The following RHOU variants were observed in gnomAD, a reference collection of about 807,000 sequenced individuals.
The protein encoded by RHOU is ras homolog family member U.
RHOU carries 8 observed loss-of-function variants against 12.6 expected under a neutral mutation model. That is an observed-to-expected ratio of 0.64 (90% CI 0.37 to 1.15). The LOEUF (loss-of-function observed/expected upper bound fraction) is 1.15. Ranked by LOEUF, RHOU falls within the 50% of genes most tolerant of loss-of-function variation. RHOU has a pLI of 0.01. For missense variants in RHOU, 258 were observed against 347.0 expected, an observed-to-expected ratio of 0.74 and a Z score of 2.04; for synonymous variants, 161 against 147.4, an observed-to-expected ratio of 1.09 and a Z score of -0.67.
At chr1:228,672,744 CG>C in the RHOU span, among the ~76,000 whole-genome samples, 1 of 152,076 alleles carries the variant, frequency 6.6e-6, no homozygotes, top group East Asian at 1.9e-4. Flanking sequence ...AGTTTTTCTC[CG>C]GGGGTATGAT....
the RHOU span, among the ~76,000 whole-genome samples, chr1:228,666,724 G>C: frequency 6.6e-6 from 1 of 152,078 alleles, no homozygotes; most frequent in Non-Finnish European, 1.5e-5. Flanking sequence ...GGCTACTTGG[G>C]TACTAAGTAG....
At chr1:228,672,938 T>C in the RHOU span, among the ~76,000 whole-genome samples, 1 of 152,216 alleles carries the variant, frequency 6.6e-6, no homozygotes, top group Non-Finnish European at 1.5e-5. Flanking sequence ...GATTTCCACC[T>C]GTAATTGGGA....
At chr1:228,654,114 A>ATT in the RHOU span, among the ~76,000 whole-genome samples, 24,965 of 146,536 alleles carry the variant, frequency 0.17, 2,195 homozygotes, top group South Asian at 0.22. Flanking sequence ...AAACTAGCTG[A>ATT]TTTTTTTTTT....
intron 2 of RHOU, among the ~76,000 whole-genome samples, chr1:228,739,901 C>T (rs1662687867): frequency 6.6e-6 from 1 of 152,196 alleles, no homozygotes; most frequent in African/African-American, 2.4e-5. Flanking sequence ...AGAGAAGGAC[C>T]AGGTGGTGGG....
chr1:228,654,205 T>C, the RHOU span, among the ~76,000 whole-genome samples: 1 of 152,082 alleles, frequency 6.6e-6, no homozygotes, highest in African/African-American at 2.4e-5. Context: ...ACTCCTGGGT[T>C]CAAGTGATTC....
rs544349048 is a variant in RHOU, at chr1:228,743,177, C to T, written c.322-108C>T. ...TGCTGGCTCTTCCTTCTAGAACCAG[C>T]GGGTCTTCTATCACCTGCCAGACCC... On this transcript the variant is annotated intron_variant, in intron 2 of 2. Coordinates refer to ENST00000366691, the MANE Select transcript of RHOU (RefSeq NM_021205.6). The surrounding 1 kb of genome is among the most constrained non-coding windows in gnomAD (Gnocchi z 5.1). 2.0e-5 allele frequency: 20 copies of T among 980,204 alleles called. No homozygotes were observed. Among genetic ancestry groups the T allele is most frequent in the Middle Eastern group, 3.1e-4 (1 of 3,232 alleles). 60.7% of individuals were successfully genotyped at this position (980,204 alleles called of 1,614,324 possible).
the RHOU span, chr1:228,650,869 G>C: frequency 3.5e-5 from 14 of 396,782 alleles, no homozygotes; most frequent in African/African-American, 3.0e-4. Context: ...TGTGGACCTG[G>C]CTGTGAGGCC....
the RHOU span, among the ~76,000 whole-genome samples, chr1:228,708,879 T>A: frequency 6.6e-6 from 1 of 151,956 alleles, no homozygotes; most frequent in Non-Finnish European, 1.5e-5. Flanking sequence ...GGATAAAGAG[T>A]CAAGACCCAT....
chr1:228,696,404 G>A, the RHOU span, among the ~76,000 whole-genome samples: 1 of 151,688 alleles, frequency 6.6e-6, no homozygotes, highest in Non-Finnish European at 1.5e-5. Flanking sequence ...GAATCATGAT[G>A]GTTGAGATAA....
chr1:228,707,216 T>C, the RHOU span, among the ~76,000 whole-genome samples: 67 of 116,494 alleles, frequency 5.8e-4, 1 homozygote, highest in Non-Finnish European at 8.2e-4. Context: ...CATATATATA[T>C]ACATATATAT....
the RHOU span, among the ~76,000 whole-genome samples, chr1:228,714,464 G>A: frequency 6.6e-6 from 1 of 152,062 alleles, no homozygotes; most frequent in Non-Finnish European, 1.5e-5. Context: ...TTGGAGGATA[G>A]TTCCTTGATA....
At chr1:228,722,238 C>T in the RHOU span, among the ~76,000 whole-genome samples, 8 of 152,178 alleles carry the variant, frequency 5.3e-5, no homozygotes, top group Non-Finnish European at 1.2e-4. Context: ...TCTATTTCTT[C>T]CTTCCCAGTG....
At chr1:228,651,327 G>T in the RHOU span, 1 of 166,190 alleles carries the variant, frequency 6.0e-6, no homozygotes, top group South Asian at 1.7e-4. Context: ...CCCACCCACT[G>T]GACAGTCTCA....
At chr1:228,659,572 T>G in the RHOU span, among the ~76,000 whole-genome samples, 31 of 149,306 alleles carry the variant, frequency 2.1e-4, no homozygotes, top group Admixed American at 3.3e-4. Context: ...CAAAAGCTGG[T>G]TTTTTTTTAA....
chr1:228,669,528 A>C, the RHOU span, among the ~76,000 whole-genome samples: 2 of 152,220 alleles, frequency 1.3e-5, no homozygotes, highest in Non-Finnish European at 2.9e-5. Flanking sequence ...TCTGCAGGCT[A>C]TAACTGAAGG....
the RHOU span, among the ~76,000 whole-genome samples, chr1:228,700,538 A>G: frequency 2.0e-5 from 3 of 152,198 alleles, no homozygotes; most frequent in South Asian, 6.2e-4. Context: ...TTGCTTGTAA[A>G]GAGCTTTTAG....
chr1:228,649,563 A>G, the RHOU span, among the ~76,000 whole-genome samples: 3 of 152,242 alleles, frequency 2.0e-5, no homozygotes, highest in African/African-American at 7.2e-5. Flanking sequence ...TATTTTGATT[A>G]TCATCCTGGT....
At chr1:228,714,201 A>C in the RHOU span, among the ~76,000 whole-genome samples, 9 of 150,472 alleles carry the variant, frequency 6.0e-5, no homozygotes, top group Non-Finnish European at 1.3e-4. Flanking sequence ...ATGGTGTATT[A>C]TTTTCTTAAT....
chr1:228,663,463 A>G, the RHOU span, among the ~76,000 whole-genome samples: 1 of 152,200 alleles, frequency 6.6e-6, no homozygotes, highest in Admixed American at 6.5e-5. Flanking sequence ...GAAAGCAATA[A>G]TAAGGAAAAT....
Sources: gnomAD v4.1 joint callset for allele counts (sites outside exome capture counted in the v4.1 genomes callset) on GRCh38, gnomAD v4.1.1 for gene constraint, Gnocchi (gnomAD v3.1) non-coding constraint, MANE v1.5 for transcripts, NCBI Gene and HGNC (gene_info 2026-07-23, HGNC 2026-07-21) for gene names.